The following OSCP1 variants were observed in gnomAD, a reference collection of about 807,000 sequenced individuals.
OSCP1 encodes organic solute carrier partner 1.
In OSCP1, 35 loss-of-function variants were observed where a neutral mutation model predicts 45.1. The ratio of observed to expected loss-of-function variants is 0.78; its 90% CI spans 0.59 to 1.03. The LOEUF is 1.03. Among genes scored for constraint, OSCP1 ranks in the 50% least tolerant of loss-of-function variants. The probability of loss-of-function intolerance (pLI) is 0.00; values close to 1 mark genes in which losing one functional copy is unlikely to be tolerated. For missense variants in OSCP1, 400 were observed against 470.7 expected (o/e 0.85, Z 1.39); for synonymous variants, 179 against 180.1 (o/e 0.99, Z 0.05).
chr1:36,444,894 C>G (rs1312469699), intron 1 of OSCP1, among the ~76,000 whole-genome samples: 1 of 152,198 alleles, frequency 6.6e-6, no homozygotes, highest in South Asian at 2.1e-4. Flanking sequence ...ACATCAAATA[C>G]TTAGCTGGCT....
chr1:36,431,748 T>C, intron 4 of OSCP1, 54 bp downstream of exon 4: 2 of 1,544,000 alleles, frequency 1.3e-6, no homozygotes, highest in Non-Finnish European at 1.8e-6. Context: ...CTACCAGGGT[T>C]GTTTCCCTGG....
chr1:36,428,471 T>G, intron 4 of OSCP1: 2 of 1,613,356 alleles, frequency 1.2e-6, no homozygotes, highest in Non-Finnish European at 1.7e-6. Context: ...CCAGAAGCAC[T>G]CTCTCTGTAT....
At position 36,445,105 on chromosome 1, in the gene OSCP1, T is replaced by C. The variant is rs532732040; in HGVS notation, c.112+5153A>G. ...TGGCTCATGCCTGTAATCCCAGAAC[T>C]TTGGGAGGCCAAGATGGGCGGATCA... On this transcript the variant is annotated intron_variant, in intron 1 of 9. Transcript: ENST00000235532. Among the ~76,000 whole-genome samples, 3 of 152,326 alleles carry C rather than the reference T, an allele frequency of 2.0e-5. No individual in the cohort carries two copies. The South Asian group carries it at 6.2e-4, about 32-fold the overall frequency.
At chr1:36,420,445 A>G in intron 8 of OSCP1, 31 bp downstream of exon 8, 2 of 1,590,956 alleles carry the variant, frequency 1.3e-6, no homozygotes, top group Non-Finnish European at 1.7e-6. Context: ...GGATTTTTAT[A>G]TGTCTTTAAC....
chr1:36,427,221 C>T (rs1419795528), intron 4 of OSCP1, among the ~76,000 whole-genome samples: 7 of 150,616 alleles, frequency 4.6e-5, no homozygotes, highest in Non-Finnish European at 8.8e-5. Context: ...AGGCTGGTCT[C>T]GAACTCCTGA....
chr1:36,426,574 AC>A (rs1647976300), intron 4 of OSCP1, among the ~76,000 whole-genome samples: 1 of 151,768 alleles, frequency 6.6e-6, no homozygotes, highest in Non-Finnish European at 1.5e-5. Flanking sequence ...CTCTTCCTCA[AC>A]CCTTCAGTTG....
Position 36,422,213 on chromosome 1 carries a change from G to A in OSCP1, c.756C>T (p.Ser252=), listed in dbSNP as rs374991760. 1.3e-5 allele frequency: 21 copies of A among 1,613,894 alleles called. No individual in the cohort carries two copies. Among genetic ancestry groups the A allele is most frequent in the African/African-American group, 5.3e-5 (4 of 74,896 alleles). ...RVLKLGTNMY[S]VNQPVETHVS... Reference sequence around the variant, plus strand: ...CATGAGTTTCCACAGGCTGATTCACGCTGTACCTGGTGTGTCAACAGAAAA... The same window carrying A: ...CATGAGTTTCCACAGGCTGATTCACACTGTACCTGGTGTGTCAACAGAAAA... Residue 252 remains serine (S), a synonymous_variant, in exon 7 of 10, where the codon AGC becomes AGT. Coordinates refer to ENST00000235532, the MANE Select transcript of OSCP1 (RefSeq NM_145047.5).
intron 1 of OSCP1, among the ~76,000 whole-genome samples, chr1:36,448,702 G>A (rs1438613854): frequency 6.6e-6 from 1 of 152,222 alleles, no homozygotes; most frequent in Admixed American, 6.5e-5. Context: ...GAAGAATGTA[G>A]GGATGGGAAT....
rs199901207 is a variant in OSCP1 at position 36,420,494 on chromosome 1, G to T, written c.941C>A (p.Thr314Asn). 80 of 1,613,838 alleles carry T rather than the reference G, an allele frequency of 5.0e-5. No individual in the cohort carries two copies. The highest frequency in any genetic ancestry group is 6.7e-5 in the Non-Finnish European group (79 of 1,179,990). Residue 314 changes from threonine (T) to asparagine (N), a missense_variant, in exon 8 of 10, where the codon ACC (threonine) becomes AAC (asparagine). Thr to Asn is a moderately conservative substitution (Grantham distance 65). Transcript: ENST00000235532. The stretch of plus-strand genomic sequence containing the variant: ...AACATACTCCTCTTCTTCATCGGTG[G>T]TAAAGAGATTCAACCGGAATCCGGG... The part of the protein sequence containing the change: ...PEPGFRLNLF[T>N]TDEEEEQAAL...
intron 7 of OSCP1, among the ~76,000 whole-genome samples, chr1:36,421,763 CCCACTCTGACTTAGCTA>C (rs2124774852): frequency 6.6e-6 from 1 of 152,322 alleles, no homozygotes; most frequent in Non-Finnish European, 1.5e-5. Context: ...ACTAAAACCC[CCCACTCTGACTTAGCTA>C]CCACGGTGCT....
At chr1:36,441,811 C>T (rs1278104496) in intron 1 of OSCP1, among the ~76,000 whole-genome samples, 1 of 150,952 alleles carries the variant, frequency 6.6e-6, no homozygotes, top group East Asian at 2.0e-4. Context: ...ATCCTAACAT[C>T]CCTGAAGAAA....
At position 36,420,618 on chromosome 1, in the gene OSCP1, G is replaced by C; in HGVS notation, c.820-3C>G. 1.9e-6 allele frequency: 3 copies of C among 1,612,006 alleles called. No individual in the cohort carries two copies. Among genetic ancestry groups the C allele is most frequent in the Non-Finnish European group, 1.7e-6 (2 of 1,179,348 alleles). ...AGAGGGTTTGGAGCAATGCTTTCCT[G>C]CAGAAACAGTTGCATGATTTTTAGC... is the stretch of plus-strand genomic sequence containing the variant. On this transcript the variant is annotated splice_region_variant and splice_polypyrimidine_tract_variant and intron_variant, in intron 7 of 9. Transcript: ENST00000235532.
chr1:36,444,456 GT>G (rs1649383314), intron 1 of OSCP1, among the ~76,000 whole-genome samples: 1 of 152,028 alleles, frequency 6.6e-6, no homozygotes, highest in Non-Finnish European at 1.5e-5. Context: ...TACAATCTGA[GT>G]TTTCTTTTCT....
Position 36,450,313 on chromosome 1 carries a change from G to A in OSCP1, c.57C>T (p.Tyr19=). 1 of 1,613,886 alleles carries A rather than the reference G, an allele frequency of 6.2e-7. No individual in the cohort carries two copies. Among genetic ancestry groups the A allele is most frequent in the Non-Finnish European group, 8.5e-7 (1 of 1,179,954 alleles). The part of the protein sequence containing the change: ...LFLNLGGEML[Y]ILDQRLRAQN... Reference sequence around the variant, plus strand: ...GGGCCCGCAGCCGTTGGTCGAGGATGTAAAGCATCTCCCCGCCCAAGTTCA... The same window carrying A: ...GGGCCCGCAGCCGTTGGTCGAGGATATAAAGCATCTCCCCGCCCAAGTTCA... The change falls in exon 1 of 10, where the codon TAC becomes TAT. Residue 19 remains tyrosine, a synonymous_variant. Coordinates refer to ENST00000235532, the MANE Select transcript of OSCP1 (RefSeq NM_145047.5).
intron 1 of OSCP1, among the ~76,000 whole-genome samples, chr1:36,439,709 A>T (rs1322923546): frequency 6.6e-6 from 1 of 152,222 alleles, no homozygotes; most frequent in Non-Finnish European, 1.5e-5. Flanking sequence ...TTTGAATAGC[A>T]CCATTTTTGA....
chr1:36,441,184 G>A (rs1430495954), intron 1 of OSCP1, among the ~76,000 whole-genome samples: 1 of 152,176 alleles, frequency 6.6e-6, no homozygotes, highest in Non-Finnish European at 1.5e-5. Context: ...GAGTACAAAT[G>A]CCCCCAAAGA....
In OSCP1 at chr1:36,438,751, C is replaced by T; in HGVS notation, c.267+5G>A. The T allele has an allele frequency of 6.3e-7, 1 of 1,594,838 alleles. No individual in the cohort carries two copies. On this transcript the variant is annotated splice_donor_5th_base_variant and intron_variant, in intron 2 of 9. Coordinates refer to ENST00000235532, the MANE Select transcript of OSCP1 (RefSeq NM_145047.5). ...CCAAGATGACAAAGGCAGCTGTCTG[C>T]TCACCTTATCCATGCTGGCCTGGTT...
At chr1:36,450,198 A>C in intron 1 of OSCP1, 60 bp downstream of exon 1, 2 of 1,397,806 alleles carry the variant, frequency 1.4e-6, no homozygotes, top group African/African-American at 1.4e-5. Flanking sequence ...TGTTAGGGCG[A>C]TGATGAGAGG....
chr1:36,424,373 T>C (rs1445305371), intron 4 of OSCP1, among the ~76,000 whole-genome samples: 2 of 152,224 alleles, frequency 1.3e-5, no homozygotes, highest in Non-Finnish European at 2.9e-5. Context: ...AGGGCCAGGA[T>C]TCAAAACCAA....
Sources: gnomAD v4.1 joint callset for allele counts (sites outside exome capture counted in the v4.1 genomes callset) on GRCh38, gnomAD v4.1.1 for gene constraint, MANE v1.5 for transcripts, NCBI Gene and HGNC (gene_info 2026-07-23, HGNC 2026-07-21) for gene names.